Variants in ADAM29 observed in about 807,000 individuals in gnomAD.
ADAM29 encodes the protein ADAM metallopeptidase domain 29, also known as disintegrin and metalloproteinase domain-containing protein 29.
For missense variants in ADAM29, 969 were observed against 1,001.8 expected, an observed-to-expected ratio of 0.97 and a Z score of 0.44; for synonymous variants, 367 against 342.3, an observed-to-expected ratio of 1.07 and a Z score of -0.80.
At chr4:174,951,204 A>G (rs1745156257) in intron 4 of ADAM29, among the ~76,000 whole-genome samples, 2 of 152,116 alleles carry the variant, frequency 1.3e-5, no homozygotes, top group South Asian at 2.1e-4. Context: ...CCACTGGCCA[A>G]TGTCTCCACT....
At chr4:174,944,390 C>T (rs1327946001) in intron 4 of ADAM29, among the ~76,000 whole-genome samples, 4 of 152,154 alleles carry the variant, frequency 2.6e-5, no homozygotes, top group Non-Finnish European at 5.9e-5. Flanking sequence ...CATCTCACTC[C>T]CCAAGCTGTT....
At chr4:174,969,515 C>G (rs1746350030) in intron 4 of ADAM29, among the ~76,000 whole-genome samples, 1 of 151,718 alleles carries the variant, frequency 6.6e-6, no homozygotes, top group South Asian at 2.1e-4. Flanking sequence ...AACAATTAAA[C>G]TCACAATTCC....
chr4:174,968,653 A>C (rs1162215721), intron 4 of ADAM29, among the ~76,000 whole-genome samples: 2 of 152,130 alleles, frequency 1.3e-5, no homozygotes, highest in East Asian at 3.9e-4. Context: ...TATCCAGTGA[A>C]TAGGGAAATA....
At chr4:174,945,709 G>A (rs11133065) in intron 4 of ADAM29, among the ~76,000 whole-genome samples, 106,135 of 151,980 alleles carry the variant, frequency 0.7, 38,595 homozygotes, top group Non-Finnish European at 0.8. Flanking sequence ...TATTATGCAT[G>A]TGACTAGCCA....
At chr4:174,930,956 G>C (rs905957115) in intron 2 of ADAM29, 30 bp from the exon 3 acceptor site, 1 of 151,422 alleles carries the variant, frequency 6.6e-6, no homozygotes, top group East Asian at 2.0e-4. Flanking sequence ...ATATTCTTCA[G>C]CAGTTCACAG....
chr4:174,959,010 C>G (rs1745662328), intron 4 of ADAM29, among the ~76,000 whole-genome samples: 1 of 151,770 alleles, frequency 6.6e-6, no homozygotes, highest in African/African-American at 2.4e-5. Flanking sequence ...AGATAACTAA[C>G]TGTTAGATCA....
intron 4 of ADAM29, among the ~76,000 whole-genome samples, chr4:174,964,014 T>A (rs376832007): frequency 1.8e-4 from 27 of 152,008 alleles, no homozygotes; most frequent in African/African-American, 5.8e-4. Flanking sequence ...TTATACTTCC[T>A]CTTAAGCTAT....
At chr4:174,966,067 G>T (rs986411169) in intron 4 of ADAM29, among the ~76,000 whole-genome samples, 3 of 152,196 alleles carry the variant, frequency 2.0e-5, no homozygotes, top group Non-Finnish European at 4.4e-5. Flanking sequence ...ACTTGTGCAT[G>T]TCCTTTCATA....
intron 4 of ADAM29, among the ~76,000 whole-genome samples, chr4:174,952,338 A>T (rs1745225367): frequency 7.1e-6 from 1 of 141,594 alleles, no homozygotes; most frequent in South Asian, 2.2e-4. Flanking sequence ...ATTTAGTATT[A>T]CAGTGCAATA....
chr4:174,952,000 A>G (rs1053814285), intron 4 of ADAM29, among the ~76,000 whole-genome samples: 4 of 152,088 alleles, frequency 2.6e-5, no homozygotes, highest in Admixed American at 2.6e-4. Context: ...AAAATTCCCA[A>G]GAGAGTAGAT....
intron 3 of ADAM29, 81 bp from the exon 4 acceptor site, chr4:174,936,852 G>A (rs1261618454): frequency 1.3e-5 from 2 of 151,744 alleles, no homozygotes; most frequent in Admixed American, 6.6e-5. Context: ...GTTTAAAAGA[G>A]CATTTTTATG....
chr4:174,945,972 G>A (rs1442621888), intron 4 of ADAM29, among the ~76,000 whole-genome samples: 1 of 152,022 alleles, frequency 6.6e-6, no homozygotes, highest in African/African-American at 2.4e-5. Context: ...TTGACTATTT[G>A]AGCCTTTTTT....
intron 2 of ADAM29, among the ~76,000 whole-genome samples, chr4:174,923,350 T>C (rs116234567): frequency 0.02 from 3,028 of 151,774 alleles, 77 homozygotes; most frequent in African/African-American, 0.061. Flanking sequence ...CCACCGTGCT[T>C]GGCCTAATTT....
At chr4:174,952,820 G>C (rs554220686) in intron 4 of ADAM29, among the ~76,000 whole-genome samples, 4 of 152,052 alleles carry the variant, frequency 2.6e-5, no homozygotes, top group Non-Finnish European at 5.9e-5. Context: ...CATAGTACCC[G>C]GGGGCAAAAT....
At chr4:174,937,953 G>A (rs993356830) in intron 4 of ADAM29, among the ~76,000 whole-genome samples, 2 of 152,044 alleles carry the variant, frequency 1.3e-5, no homozygotes, top group African/African-American at 4.8e-5. Flanking sequence ...ATATTTCATT[G>A]TTTGTAGTCC....
chr4:174,950,618 G>A (rs1439849202), intron 4 of ADAM29, among the ~76,000 whole-genome samples: 2 of 152,094 alleles, frequency 1.3e-5, no homozygotes, highest in Non-Finnish European at 2.9e-5. Flanking sequence ...TAACTTAAAA[G>A]ACTATAAACA....
intron 2 of ADAM29, among the ~76,000 whole-genome samples, chr4:174,927,066 A>G (rs760262760): frequency 1.5e-4 from 23 of 152,242 alleles, no homozygotes; most frequent in Non-Finnish European, 3.1e-4. Context: ...TCAACTAGAT[A>G]CCACAACAAA....
At chr4:174,963,261 A>G (rs193196226) in intron 4 of ADAM29, among the ~76,000 whole-genome samples, 1 of 152,350 alleles carries the variant, frequency 6.6e-6, no homozygotes, top group African/African-American at 2.4e-5. Flanking sequence ...TAAGAGACAC[A>G]TCAAATATAA....
chr4:174,954,252 G>C (rs13140630), intron 4 of ADAM29, among the ~76,000 whole-genome samples: 63,331 of 151,454 alleles, frequency 0.42, 13,719 homozygotes, highest in African/African-American at 0.53. Context: ...CAGTCCCTTT[G>C]CCTCTCATTT....
Sources: gnomAD v4.1 joint callset for allele counts (sites outside exome capture counted in the v4.1 genomes callset) on GRCh38, gnomAD v4.1.1 for gene constraint, MANE v1.5 for transcripts, NCBI Gene and HGNC (gene_info 2026-07-23, HGNC 2026-07-21) for gene names.